Variants in NOS1 observed in about 807,000 individuals in gnomAD.
NOS1 encodes NOS type I.
Under a neutral mutation model 164.5 loss-of-function variants are expected in NOS1, and 51 were observed. The ratio of observed to expected loss-of-function variants is 0.31; its 90% confidence interval spans 0.25 to 0.39. The LOEUF is 0.39. Ranked by LOEUF, NOS1 falls within the 10% of genes least tolerant of loss-of-function variation. The probability of loss-of-function intolerance (pLI) is 1.00; values close to 1 mark genes in which losing one functional copy is unlikely to be tolerated. For missense variants in NOS1, 1,362 were observed against 1,885.6 expected, an observed-to-expected ratio of 0.72 and a Z score of 5.14; for synonymous variants, 719 against 745.8, an observed-to-expected ratio of 0.96 and a Z score of 0.59.
intron 1 of NOS1, among the ~76,000 whole-genome samples, chr12:117,339,062 G>C (rs897419040): frequency 5.9e-5 from 9 of 152,158 alleles, no homozygotes; most frequent in African/African-American, 2.2e-4. Flanking sequence ...TACATTTCCT[G>C]AACTGCTAAT....
chr12:117,351,154 C>G (rs1007697130), intron 1 of NOS1, among the ~76,000 whole-genome samples: 10 of 152,160 alleles, frequency 6.6e-5, no homozygotes, highest in Non-Finnish European at 1.5e-4. Context: ...TGCCCTCTGG[C>G]ATCTGATTGG....
rs1956500959 is a variant in NOS1 at position 117,209,876 on chromosome 12, C to T, written c.*5433G>A. On this transcript the variant is annotated 3_prime_UTR_variant, in exon 29 of 29. Coordinates refer to ENST00000317775, the MANE Select transcript of NOS1 (RefSeq NM_000620.5). ...CCAGGTTGGCCTCCAAAGTCAAATC[C>T]CTGTTCATGGGGAACATCTATGTTG... 1.0e-6 allele frequency: 1 copy of T among 985,504 alleles called. No individual in the cohort carries two copies. The highest frequency in any genetic ancestry group is 4.7e-5 in the South Asian group (1 of 21,286). The allele number at this position is 985,504 out of a possible 1,614,324, so 61.0% of individuals were successfully genotyped here. A position where few individuals can be genotyped will look rare whatever the true frequency, so the allele number is the denominator to read the frequency against.
At chr12:117,355,289 T>C (rs771738974) in intron 1 of NOS1, among the ~76,000 whole-genome samples, 39 of 152,220 alleles carry the variant, frequency 2.6e-4, no homozygotes, top group Non-Finnish European at 5.3e-4. Flanking sequence ...TGCAAAGGAC[T>C]TCTGTATTTT....
chr12:117,316,502 C>G (rs1874676984), intron 2 of NOS1, among the ~76,000 whole-genome samples: 1 of 152,222 alleles, frequency 6.6e-6, no homozygotes, highest in South Asian at 2.1e-4. Context: ...TGACGGCCCA[C>G]TTCATGTCCC....
chr12:117,322,450 A>C (rs1462080752), intron 2 of NOS1, among the ~76,000 whole-genome samples: 119 of 57,262 alleles, frequency 2.1e-3, no homozygotes, highest in Admixed American at 5.4e-3. Context: ...CTTTCCCTCC[A>C]TCCTTCTTCC....
intron 7 of NOS1, among the ~76,000 whole-genome samples, chr12:117,281,837 GA>G (rs11423140): frequency 4.8e-4 from 63 of 131,742 alleles, no homozygotes; most frequent in Middle Eastern, 7.9e-3. Context: ...CTCAAAAAAA[GA>G]AAAAAAAAAA....
At chr12:117,230,908 A>G (rs937787849) in intron 22 of NOS1, among the ~76,000 whole-genome samples, 8 of 152,216 alleles carry the variant, frequency 5.3e-5, no homozygotes, top group Non-Finnish European at 2.9e-5. Flanking sequence ...GCTAAAAACT[A>G]GAAGCAAATA....
At chr12:117,311,358 C>T in intron 3 of NOS1, 108 bp downstream of exon 3, 1 of 1,323,534 alleles carries the variant, frequency 7.6e-7, no homozygotes, top group Non-Finnish European at 1.0e-6. Flanking sequence ...GGCTGATTTC[C>T]ATCATGACAC....
intron 17 of NOS1, among the ~76,000 whole-genome samples, chr12:117,249,843 C>G (rs1280693511): frequency 6.6e-6 from 1 of 152,156 alleles, no homozygotes; most frequent in Non-Finnish European, 1.5e-5. Context: ...ACACTTTCTG[C>G]TACATTTCCA....
intron 3 of NOS1, among the ~76,000 whole-genome samples, chr12:117,295,588 T>C (rs552687838): frequency 6.6e-6 from 1 of 150,978 alleles, no homozygotes; most frequent in Admixed American, 6.6e-5. Context: ...TCAAATGCCG[T>C]CATGTTAGAG....
intron 17 of NOS1, among the ~76,000 whole-genome samples, chr12:117,247,770 C>G (rs1271765569): frequency 6.6e-6 from 1 of 151,890 alleles, no homozygotes; most frequent in African/African-American, 2.4e-5. Context: ...CACGGTGAAA[C>G]CCCGTCTCTA....
Position 117,330,540 on chromosome 12 carries a change from C to T in NOS1, c.530G>A (p.Gly177Asp), listed in dbSNP as rs1469756766. The change falls in exon 2 of 29, where the codon GGC (glycine) becomes GAC (aspartate). Residue 177 changes from glycine (G) to aspartate (D), a missense_variant. By Grantham distance (94) the Gly-to-Asp change is moderately conservative. Transcript: ENST00000317775. The surrounding 1 kb of genome is among the most constrained non-coding windows in gnomAD (Gnocchi z 4.6). ...CTGGCCTGGGGGCCTGGGGGCCAGG[C>T]CGTTGGCATGGGGGAGTGAGCCAGC... ...QEAGSLPHAN[G>D]LAPRPPGQDP... 2.5e-6 allele frequency: 4 copies of T among 1,613,702 alleles called. No individual in the cohort carries two copies. The highest frequency in any genetic ancestry group is 3.4e-6 in the Non-Finnish European group (4 of 1,180,016).
chr12:117,294,011 C>T (rs1873234512), intron 3 of NOS1, among the ~76,000 whole-genome samples: 1 of 152,152 alleles, frequency 6.6e-6, no homozygotes, highest in African/African-American at 2.4e-5. Flanking sequence ...CACATCTGGG[C>T]AGGGCTTTGT....
intron 1 of NOS1, among the ~76,000 whole-genome samples, chr12:117,344,980 C>A (rs538740772): frequency 6.6e-6 from 1 of 151,090 alleles, no homozygotes; most frequent in Non-Finnish European, 1.5e-5. Context: ...CAAACGCGGG[C>A]TATTATGATT....
intron 9 of NOS1, among the ~76,000 whole-genome samples, chr12:117,277,104 A>C (rs1036491864): frequency 6.6e-6 from 1 of 152,104 alleles, no homozygotes; most frequent in Non-Finnish European, 1.5e-5. Context: ...TGCCACCAAC[A>C]GTGTACAAGG....
In NOS1 at chr12:117,311,722, G is replaced by T. The variant is rs549948793; in HGVS notation, c.726-130C>A. The T allele has an allele frequency of 5.1e-6, 5 of 980,774 alleles. No individual in the cohort carries two copies. The South Asian group carries it at 7.5e-5, about 15-fold the overall frequency. The allele number at this position is 980,774 out of a possible 1,614,324, so 60.8% of individuals were successfully genotyped here. ...CACATAACTCCATATGAGCCAGCGA[G>T]CTTTGGGTACCCATCCTGCTGCTTC... On this transcript the variant is annotated intron_variant, in intron 2 of 28. Coordinates refer to ENST00000317775, the MANE Select transcript of NOS1 (RefSeq NM_000620.5).
At position 117,285,267 on chromosome 12, in the gene NOS1, C is replaced by T. The variant is rs768421929; in HGVS notation, c.1356G>A (p.Lys452=). The change falls in exon 7 of 29, where the codon AAG becomes AAA. Residue 452 remains lysine (K), a synonymous_variant. Transcript: ENST00000317775. The part of the protein sequence containing the change: ...GMFNYICNHV[K]YATNKGNLRS... ...TGAGGTTCCCTTTGTTGGTGGCATA[C>T]TTGACATGGTTACAGATGTAGTTGA... 6 of 1,610,974 alleles carry T rather than the reference C, an allele frequency of 3.7e-6. No homozygotes were observed. The highest frequency in any genetic ancestry group is 2.2e-5 in the East Asian group (1 of 44,728).
intron 27 of NOS1, among the ~76,000 whole-genome samples, chr12:117,219,312 GTTTTT>G (rs1956662996): frequency 6.9e-6 from 1 of 145,032 alleles, no homozygotes; most frequent in African/African-American, 2.6e-5. Flanking sequence ...TGTTTTTTTT[GTTTTT>G]GTTTTTGAGA....
intron 18 of NOS1, among the ~76,000 whole-genome samples, chr12:117,244,325 C>T (rs1870448018): frequency 6.6e-6 from 1 of 152,184 alleles, no homozygotes; most frequent in Admixed American, 6.5e-5. Context: ...CTCACTGCAG[C>T]CTCGACCTCC....
Sources: gnomAD v4.1 joint callset for allele counts (sites outside exome capture counted in the v4.1 genomes callset) on GRCh38, gnomAD v4.1.1 for gene constraint, Gnocchi (gnomAD v3.1) non-coding constraint, MANE v1.5 for transcripts, NCBI Gene and HGNC (gene_info 2026-07-23, HGNC 2026-07-21) for gene names.